Variants in MFSD6 observed in about 807,000 individuals in gnomAD.
MFSD6 encodes major facilitator superfamily domain containing 6.
MFSD6 carries 26 observed loss-of-function variants against 56.3 expected under a neutral mutation model. The ratio of observed to expected loss-of-function variants is 0.46; its 90% CI spans 0.34 to 0.64. The LOEUF (loss-of-function observed/expected upper bound fraction) is 0.64. MFSD6 is among the 30% of genes least tolerant of loss of function. MFSD6 has a pLI of 0.01. For synonymous variants in MFSD6, 331 were observed against 366.9 expected (o/e 0.90, Z 1.12); for missense variants, 750 against 986.2 (o/e 0.76, Z 3.21).
Position 190,496,499 on chromosome 2 carries a change from GAA to G in MFSD6, c.1892-939_1892-938del, listed in dbSNP as rs1243804302. ...TACTGGGTATCTACCCAGAGGAAAA[GAA>G]GTCATTATATGAAAAAGATACTTGT... is the stretch of plus-strand genomic sequence containing the variant. On this transcript the variant is annotated intron_variant, in intron 6 of 7. Coordinates refer to ENST00000392328, the MANE Select transcript of MFSD6 (RefSeq NM_017694.4). The surrounding 1 kb of genome is among the most constrained non-coding windows in gnomAD (Gnocchi z 4.7). 6.6e-6 allele frequency among the ~76,000 whole-genome samples: 1 copy of G among 152,140 alleles called. No homozygotes were observed. Among genetic ancestry groups the G allele is most frequent in the East Asian group, 1.9e-4 (1 of 5,200 alleles).
chr2:190,442,083 T>C (rs1686400651), intron 3 of MFSD6, among the ~76,000 whole-genome samples: 1 of 152,210 alleles, frequency 6.6e-6, no homozygotes, highest in Non-Finnish European at 1.5e-5. Context: ...AATAACTTTT[T>C]CCCCATTCTG....
At position 190,456,104 on chromosome 2, in the gene MFSD6, C is replaced by T. The variant is rs1687025764; in HGVS notation, c.1533-13654C>T. 6.6e-6 allele frequency among the ~76,000 whole-genome samples: 1 copy of T among 151,598 alleles called. No homozygotes were observed. The highest frequency in any genetic ancestry group is 2.4e-5 in the African/African-American group (1 of 41,226). ...TACAGGCATGCATCACCATGCCCAGCTAATTTTTATATTTTTAGTAGAGAT... is the reference window on the plus strand; with the variant it reads ...TACAGGCATGCATCACCATGCCCAGTTAATTTTTATATTTTTAGTAGAGAT... On this transcript the variant is annotated intron_variant, in intron 3 of 7. Transcript: ENST00000392328. The surrounding 1 kb of genome is among the most constrained non-coding windows in gnomAD (Gnocchi z 5.4).
At position 190,500,531 on chromosome 2, in the gene MFSD6, A is replaced by G. The variant is rs1403046394; in HGVS notation, c.*313A>G. 3.3e-6 allele frequency: 1 copy of G among 302,326 alleles called. No homozygotes were observed. Among genetic ancestry groups the G allele is most frequent in the Non-Finnish European group, 6.2e-6 (1 of 160,932 alleles). The allele number at this position is 302,326 out of a possible 1,614,324, so 18.7% of individuals were successfully genotyped here. On this transcript the variant is annotated 3_prime_UTR_variant, in exon 8 of 8. Transcript: ENST00000392328. The surrounding 1 kb of genome is among the most constrained non-coding windows in gnomAD (Gnocchi z 5.3). ...CAGTGCAGTAAGAGTTGAAACCGGC[A>G]GTTACACTAAGTAAGTGGAGGGAAT...
At position 190,462,021 on chromosome 2, in the gene MFSD6, TATACGAACTC is replaced by T; in HGVS notation, c.1533-7735_1533-7726del. 6.6e-6 allele frequency among the ~76,000 whole-genome samples: 1 copy of T among 152,276 alleles called. No individual in the cohort carries two copies. Among genetic ancestry groups the T allele is most frequent in the Middle Eastern group, 3.4e-3 (1 of 294 alleles). ...GATTATTAGGAAGTACATAACTCAC[TATACGAACTC>T]AAAATCTACAGAAATATACTCCTTA... On this transcript the variant is annotated intron_variant, in intron 3 of 7. Coordinates refer to ENST00000392328, the MANE Select transcript of MFSD6 (RefSeq NM_017694.4). The surrounding 1 kb of genome is among the most constrained non-coding windows in gnomAD (Gnocchi z 5.7).
In MFSD6 at chr2:190,489,740, CTCTA is replaced by C. The variant is rs1559141379; in HGVS notation, c.1793-26_1793-23del. The stretch of plus-strand genomic sequence containing the variant: ...GCGCTATCTGCATTTCTTGGAATTA[CTCTA>C]TAGAGTGCTGTTTGTTTTTATAGGG... On this transcript the variant is annotated intron_variant, in intron 5 of 7. Coordinates refer to ENST00000392328, the MANE Select transcript of MFSD6 (RefSeq NM_017694.4). This position sits in a 1 kb window ranked among gnomAD's most constrained non-coding sequence, Gnocchi z 6.6. 6.3e-7 allele frequency: 1 copy of C among 1,596,326 alleles called. No individual in the cohort carries two copies. The highest frequency in any genetic ancestry group is 2.2e-5 in the East Asian group (1 of 44,804).
At chr2:190,419,324 A>G (rs1690915580) in intron 2 of MFSD6, among the ~76,000 whole-genome samples, 1 of 152,216 alleles carries the variant, frequency 6.6e-6, no homozygotes, top group South Asian at 2.1e-4. Flanking sequence ...GCAGTATGTT[A>G]GAGTCCAGCT....
At position 190,410,957 on chromosome 2, in the gene MFSD6, G is replaced by A. The variant is rs1317834019; in HGVS notation, c.-176+2454G>A. On this transcript the variant is annotated intron_variant, in intron 1 of 7. Coordinates refer to ENST00000392328, the MANE Select transcript of MFSD6 (RefSeq NM_017694.4). The surrounding 1 kb of genome is among the most constrained non-coding windows in gnomAD (Gnocchi z 4.4). The stretch of plus-strand genomic sequence containing the variant: ...TGGAATCCCAGCTACTCAGGGGGCT[G>A]AGGTAGAGAATTGCTTGAATCCGGG... 2.3e-5 allele frequency: 4 copies of A among 174,902 alleles called. No individual in the cohort carries two copies. The highest frequency in any genetic ancestry group is 7.2e-5 in the African/African-American group (3 of 41,600). The allele number at this position is 174,902 out of a possible 1,614,324, so 10.8% of individuals were successfully genotyped here. A position where few individuals can be genotyped will look rare whatever the true frequency, so the allele number is the denominator to read the frequency against.
rs1283966499 is a variant in MFSD6 at position 190,443,613 on chromosome 2, C to T, written c.1532+6052C>T. 6.6e-6 allele frequency among the ~76,000 whole-genome samples: 1 copy of T among 152,182 alleles called. No individual in the cohort carries two copies. The highest frequency in any genetic ancestry group is 1.5e-5 in the Non-Finnish European group (1 of 68,036). ...AAAATAACTAACATTCCCCCTTAAACATCTTAGTCAAATTGAAATTTTTCT... is the reference window on the plus strand; with the variant it reads ...AAAATAACTAACATTCCCCCTTAAATATCTTAGTCAAATTGAAATTTTTCT... On this transcript the variant is annotated intron_variant, in intron 3 of 7. Transcript: ENST00000392328. The surrounding 1 kb of genome is among the most constrained non-coding windows in gnomAD (Gnocchi z 4.2).
rs747901611 is a variant in MFSD6, at chr2:190,434,997, G to T, written c.-53-980G>T. Among the ~76,000 whole-genome samples, 1 of 152,210 alleles carries T rather than the reference G, an allele frequency of 6.6e-6. No individual in the cohort carries two copies. The highest frequency in any genetic ancestry group is 1.5e-5 in the Non-Finnish European group (1 of 68,036). On this transcript the variant is annotated intron_variant, in intron 2 of 7. Transcript: ENST00000392328. The surrounding 1 kb of genome is among the most constrained non-coding windows in gnomAD (Gnocchi z 4.3). ...ACTGTGCATGCGAGGGATGTAGGTT[G>T]TGTGCTCCTTATGAGAACCTAAGAA...
rs2125238154 is a variant in MFSD6, at chr2:190,489,485, C to T, written c.1793-283C>T. The stretch of plus-strand genomic sequence containing the variant: ...TGGTCTTTTCATATGAAGAGGAGAG[C>T]ACCATTGAATTGTATGAGTCATGGT... On this transcript the variant is annotated intron_variant, in intron 5 of 7. Transcript: ENST00000392328. The surrounding 1 kb of genome is among the most constrained non-coding windows in gnomAD (Gnocchi z 6.6). Among the ~76,000 whole-genome samples the T allele has an allele frequency of 6.6e-6, 1 of 152,246 alleles. No individual in the cohort carries two copies. Among genetic ancestry groups the T allele is most frequent in the East Asian group, 1.9e-4 (1 of 5,182 alleles).
chr2:190,480,769 A>C (rs1187951533), intron 4 of MFSD6, among the ~76,000 whole-genome samples: 1 of 152,240 alleles, frequency 6.6e-6, no homozygotes, highest in Non-Finnish European at 1.5e-5. Flanking sequence ...GGAGAGGTTG[A>C]CATGAGTATT....
In MFSD6 at chr2:190,437,148, C is replaced by T. The variant is rs1054860609; in HGVS notation, c.1119C>T (p.Ile373=). The part of the protein sequence containing the change: ...PEYRNYQIVF[I]VFGVLMTMAL... ...ACAGGAATTACCAGATCGTCTTCATCGTCTTCGGCGTTCTCATGACCATGG... is the reference window on the plus strand; with the variant it reads ...ACAGGAATTACCAGATCGTCTTCATTGTCTTCGGCGTTCTCATGACCATGG... The change falls in exon 3 of 8, where the codon ATC becomes ATT. Residue 373 remains isoleucine, a synonymous_variant. Transcript: ENST00000392328. This position sits in a 1 kb window ranked among gnomAD's most constrained non-coding sequence, Gnocchi z 5.9. 8.1e-6 allele frequency: 13 copies of T among 1,614,146 alleles called. No homozygotes were observed. Among genetic ancestry groups the T allele is most frequent in the South Asian group, 2.2e-5 (2 of 91,092 alleles).
chr2:190,471,158 C>A lies in MFSD6; in HGVS notation c.1630+1303C>A, dbSNP rs911680963. The stretch of plus-strand genomic sequence containing the variant: ...AACAGCTCCAGTCTACAGGTCTCAG[C>A]GTAAGTGACACAGAAGACTACTGAT... On this transcript the variant is annotated intron_variant, in intron 4 of 7. Transcript: ENST00000392328. The surrounding 1 kb of genome is among the most constrained non-coding windows in gnomAD (Gnocchi z 4.7). 6.6e-6 allele frequency among the ~76,000 whole-genome samples: 1 copy of A among 152,136 alleles called. No individual in the cohort carries two copies. Among genetic ancestry groups the A allele is most frequent in the South Asian group, 2.1e-4 (1 of 4,830 alleles).
rs542363665 is a variant in MFSD6, at chr2:190,461,896, G to C, written c.1533-7862G>C. Among the ~76,000 whole-genome samples, 1 of 152,020 alleles carries C rather than the reference G, an allele frequency of 6.6e-6. No individual in the cohort carries two copies. The highest frequency in any genetic ancestry group is 1.5e-5 in the Non-Finnish European group (1 of 68,006). ...CCTTAATATACTTTCAGAACAATCTGAGAGCAGAAGTCTTTTAATTTAAAA... is the reference window on the plus strand; with the variant it reads ...CCTTAATATACTTTCAGAACAATCTCAGAGCAGAAGTCTTTTAATTTAAAA... On this transcript the variant is annotated intron_variant, in intron 3 of 7. Coordinates refer to ENST00000392328, the MANE Select transcript of MFSD6 (RefSeq NM_017694.4). This position sits in a 1 kb window ranked among gnomAD's most constrained non-coding sequence, Gnocchi z 5.5.
chr2:190,418,427 C>T lies in MFSD6; in HGVS notation c.-54+3014C>T, dbSNP rs1342658397. ...ATCAGCTTGCTTATGATCTAGCAGT[C>T]AGGTTTTACTAGGAGCCTTGGAAAG... On this transcript the variant is annotated intron_variant, in intron 2 of 7. Coordinates refer to ENST00000392328, the MANE Select transcript of MFSD6 (RefSeq NM_017694.4). The surrounding 1 kb of genome is among the most constrained non-coding windows in gnomAD (Gnocchi z 4.1). Among the ~76,000 whole-genome samples the T allele has an allele frequency of 1.3e-5, 2 of 152,142 alleles. No individual in the cohort carries two copies. Among genetic ancestry groups the T allele is most frequent in the Non-Finnish European group, 2.9e-5 (2 of 68,018 alleles).
intron 3 of MFSD6, chr2:190,444,934 A>G (rs975445551): frequency 1.3e-6 from 1 of 754,208 alleles, no homozygotes; most frequent in African/African-American, 1.9e-5. Flanking sequence ...GTATCTTGGT[A>G]AATTAACTGT....
rs192974247 is a variant in MFSD6, at chr2:190,410,923, G to A, written c.-176+2420G>A. ...ATACAAAAATTAGCTGAGCGTGGTG[G>A]CGGGCGCCTGGAATCCCAGCTACTC... is the stretch of plus-strand genomic sequence containing the variant. On this transcript the variant is annotated intron_variant, in intron 1 of 7. Coordinates refer to ENST00000392328, the MANE Select transcript of MFSD6 (RefSeq NM_017694.4). This position sits in a 1 kb window ranked among gnomAD's most constrained non-coding sequence, Gnocchi z 4.4. Among the ~76,000 whole-genome samples the A allele has an allele frequency of 2.0e-5, 3 of 151,958 alleles. No individual in the cohort carries two copies. Among genetic ancestry groups the A allele is most frequent in the African/African-American group, 4.8e-5 (2 of 41,482 alleles).
rs1363235262 is a variant in MFSD6, at chr2:190,475,684, C to T, written c.1630+5829C>T. Reference sequence around the variant, plus strand: ...GCCATCCCCATGAAGCTACCAATGACTTTCTTCACAGAATTGGAAAAAACT... The same window carrying T: ...GCCATCCCCATGAAGCTACCAATGATTTTCTTCACAGAATTGGAAAAAACT... On this transcript the variant is annotated intron_variant, in intron 4 of 7. Transcript: ENST00000392328. Among the ~76,000 whole-genome samples, 45 of 152,164 alleles carry T rather than the reference C, an allele frequency of 3.0e-4. 1 individual carries two copies. Among genetic ancestry groups the T allele is most frequent in the Non-Finnish European group, 2.4e-4 (16 of 68,042 alleles).
At chr2:190,466,950 C>T (rs1202774085) in intron 3 of MFSD6, among the ~76,000 whole-genome samples, 1 of 152,188 alleles carries the variant, frequency 6.6e-6, no homozygotes, top group African/African-American at 2.4e-5. Context: ...CACAATCTAC[C>T]TCCTAAACTG....
Sources: allele counts gnomAD v4.1 joint callset (sites outside exome capture counted in the v4.1 genomes callset), GRCh38; gene constraint gnomAD v4.1.1; non-coding constraint Gnocchi (gnomAD v3.1); transcripts MANE v1.5; gene names NCBI Gene and HGNC (gene_info 2026-07-23, HGNC 2026-07-21).